Variants in THSD7B observed in about 807,000 individuals in gnomAD.
The protein encoded by THSD7B is thrombospondin type 1 domain containing 7B.
Under a neutral mutation model 213.6 loss-of-function variants are expected in THSD7B, and 138 were observed. The ratio of observed to expected loss-of-function variants is 0.65; its 90% confidence interval spans 0.56 to 0.74. The LOEUF is 0.74. Among genes scored for constraint, THSD7B ranks in the 30% least tolerant of loss-of-function variants. THSD7B has a pLI of 0.00. For missense variants in THSD7B, 1,931 were observed against 1,991.5 expected (o/e 0.97, Z 0.58); for synonymous variants, 742 against 687.0 (o/e 1.08, Z -1.25).
intron 14 of THSD7B, among the ~76,000 whole-genome samples, chr2:137,438,822 C>A (rs1033754603): frequency 2.0e-5 from 3 of 152,068 alleles, no homozygotes; most frequent in Non-Finnish European, 4.4e-5. Context: ...AGTACCTGTA[C>A]CTGTGAACTT....
intron 15 of THSD7B, among the ~76,000 whole-genome samples, chr2:137,480,259 C>A (rs1573650177): frequency 6.6e-6 from 1 of 151,856 alleles, no homozygotes; most frequent in Non-Finnish European, 1.5e-5. Context: ...TATAGAAAAT[C>A]TCCTTTATCA....
chr2:137,451,582 A>G (rs1226104216), intron 15 of THSD7B, among the ~76,000 whole-genome samples: 1 of 152,102 alleles, frequency 6.6e-6, no homozygotes, highest in East Asian at 1.9e-4. Flanking sequence ...AGATATTTTC[A>G]TAAATAAAAC....
chr2:137,456,199 A>G (rs1687759832), intron 15 of THSD7B, among the ~76,000 whole-genome samples: 1 of 152,218 alleles, frequency 6.6e-6, no homozygotes, highest in South Asian at 2.1e-4. Context: ...AAATTTGGAA[A>G]TGAATAATGT....
chr2:137,101,406 C>T (rs1450997471), intron 4 of THSD7B, among the ~76,000 whole-genome samples: 1 of 152,190 alleles, frequency 6.6e-6, no homozygotes, highest in Non-Finnish European at 1.5e-5. Flanking sequence ...AAATGGTTGT[C>T]AGATAAATTA....
intron 15 of THSD7B, among the ~76,000 whole-genome samples, chr2:137,553,955 T>A (rs549656229): frequency 6.6e-6 from 1 of 152,112 alleles, no homozygotes. Context: ...TTTGGTCCTC[T>A]AGATAAGATT....
intron 7 of THSD7B, among the ~76,000 whole-genome samples, chr2:137,178,838 A>G (rs1680404773): frequency 6.6e-6 from 1 of 152,212 alleles, no homozygotes; most frequent in African/African-American, 2.4e-5. Context: ...TAGACATTGC[A>G]AGATAGCTTT....
chr2:137,136,126 C>T (rs1679452309), intron 5 of THSD7B, among the ~76,000 whole-genome samples: 1 of 152,006 alleles, frequency 6.6e-6, no homozygotes, highest in South Asian at 2.1e-4. Context: ...CACAGGGGAA[C>T]ATCACACACC....
intron 14 of THSD7B, among the ~76,000 whole-genome samples, chr2:137,442,890 A>G (rs750978053): frequency 6.6e-6 from 1 of 152,160 alleles, no homozygotes; most frequent in Non-Finnish European, 1.5e-5. Context: ...AAGACTTCAT[A>G]TAGGCACTTG....
chr2:136,931,437 A>T (rs565194855), intron 2 of THSD7B, among the ~76,000 whole-genome samples: 9 of 152,306 alleles, frequency 5.9e-5, no homozygotes, highest in Admixed American at 3.9e-4. Flanking sequence ...TTTTCTCTTC[A>T]TGAGACTGCC....
chr2:137,599,728 GA>G (rs1469801504), intron 17 of THSD7B, among the ~76,000 whole-genome samples: 1 of 152,180 alleles, frequency 6.6e-6, no homozygotes, highest in African/African-American at 2.4e-5. Flanking sequence ...CTTCTTGTAT[GA>G]TATCGACAAA....
chr2:136,875,019 G>C (rs1683503853), intron 1 of THSD7B, among the ~76,000 whole-genome samples: 1 of 152,090 alleles, frequency 6.6e-6, no homozygotes, highest in Non-Finnish European at 1.5e-5. Flanking sequence ...CCAAGTTACA[G>C]ATACAAAAAT....
At chr2:136,895,883 G>A (rs926847808) in intron 2 of THSD7B, among the ~76,000 whole-genome samples, 27 of 152,158 alleles carry the variant, frequency 1.8e-4, no homozygotes, top group East Asian at 1.5e-3. Context: ...TTTAAAACCA[G>A]CTTCTTTCAT....
chr2:137,360,935 T>A (rs1314153309), intron 12 of THSD7B, among the ~76,000 whole-genome samples: 1 of 152,182 alleles, frequency 6.6e-6, no homozygotes, highest in Non-Finnish European at 1.5e-5. Flanking sequence ...GTAGCTTAAC[T>A]TGGAGACATC....
intron 5 of THSD7B, among the ~76,000 whole-genome samples, chr2:137,153,843 A>G (rs1426285363): frequency 6.6e-6 from 1 of 152,114 alleles, no homozygotes; most frequent in Non-Finnish European, 1.5e-5. Context: ...ATCATTTAGA[A>G]AGTAGCATTT....
At chr2:137,163,211 C>T (rs999057412) in intron 6 of THSD7B, among the ~76,000 whole-genome samples, 34 of 152,088 alleles carry the variant, frequency 2.2e-4, no homozygotes, top group African/African-American at 7.7e-4. Context: ...GCAGATATAC[C>T]CTGGTCCATC....
chr2:137,496,900 C>A (rs2105129981), intron 15 of THSD7B, among the ~76,000 whole-genome samples: 1 of 152,160 alleles, frequency 6.6e-6, no homozygotes, highest in East Asian at 1.9e-4. Context: ...CAGAGGTTAC[C>A]CTTGAGGAGT....
At chr2:136,859,003 T>G (rs904512395) in intron 1 of THSD7B, among the ~76,000 whole-genome samples, 17 of 152,242 alleles carry the variant, frequency 1.1e-4, no homozygotes, top group Admixed American at 1.0e-3. Flanking sequence ...CTGGTTGGGC[T>G]GACAGTTCCT....
chr2:137,088,928 C>T (rs1317336210), intron 3 of THSD7B, among the ~76,000 whole-genome samples: 1 of 152,074 alleles, frequency 6.6e-6, no homozygotes, highest in Non-Finnish European at 1.5e-5. Context: ...GGGATATCAC[C>T]TTACTCCTAC....
chr2:137,405,899 C>A, intron 13 of THSD7B, 92 bp downstream of exon 13: 1 of 1,156,800 alleles, frequency 8.6e-7, no homozygotes. Context: ...CAGGAATTTG[C>A]ATCAGGTCTC....
Sources: allele counts gnomAD v4.1 joint callset (sites outside exome capture counted in the v4.1 genomes callset), GRCh38; gene constraint gnomAD v4.1.1; transcripts MANE v1.5; gene names NCBI Gene and HGNC (gene_info 2026-07-23, HGNC 2026-07-21).